The following MGAT4C variants were observed in gnomAD, a reference collection of about 807,000 sequenced individuals.
MGAT4C encodes MGAT4 family member C, also known as alpha-1,3-mannosyl-glycoprotein 4-beta-N-acetylglucosaminyltransferase C.
In MGAT4C, 19 loss-of-function variants were observed where a neutral mutation model predicts 40.1. The observed-to-expected ratio is 0.47, with a 90% CI of 0.33 to 0.70. The LOEUF is 0.70. MGAT4C is among the 30% of genes least tolerant of loss of function. The pLI, the probability that MGAT4C is intolerant of heterozygous loss-of-function variation, is 0.02. For synonymous variants in MGAT4C, 181 were observed against 187.1 expected (o/e 0.97, Z 0.27); for missense variants, 491 against 563.2 (o/e 0.87, Z 1.30).
chr12:86,289,399 T>C (rs1487213639), intron 4 of MGAT4C, among the ~76,000 whole-genome samples: 4 of 152,208 alleles, frequency 2.6e-5, no homozygotes, highest in Admixed American at 2.0e-4. Flanking sequence ...GGCTCTTTTT[T>C]AGTTCCATAT....
At chr12:86,108,882 G>A (rs904133948) in intron 1 of MGAT4C, among the ~76,000 whole-genome samples, 2 of 151,918 alleles carry the variant, frequency 1.3e-5, no homozygotes, top group Non-Finnish European at 2.9e-5. Context: ...GTCTGTCTTC[G>A]GTCTTCACCG....
At chr12:86,114,466 T>C (rs969209877) in intron 1 of MGAT4C, among the ~76,000 whole-genome samples, 2 of 151,892 alleles carry the variant, frequency 1.3e-5, no homozygotes, top group African/African-American at 4.8e-5. Context: ...AAATTGTAGT[T>C]ACAATGAACA....
chr12:86,153,662 C>A (rs1223699675), intron 1 of MGAT4C, among the ~76,000 whole-genome samples: 1 of 152,174 alleles, frequency 6.6e-6, no homozygotes, highest in East Asian at 1.9e-4. Context: ...TGAGTGAATT[C>A]TCATGAGATC....
At chr12:86,685,295 C>G (rs1283627767) in intron 2 of MGAT4C, among the ~76,000 whole-genome samples, 1 of 152,138 alleles carries the variant, frequency 6.6e-6, no homozygotes, top group African/African-American at 2.4e-5. Flanking sequence ...AATAGGGAAT[C>G]CTTTCCCCAT....
At chr12:86,608,033 T>C (rs538652006) in intron 2 of MGAT4C, among the ~76,000 whole-genome samples, 1 of 152,136 alleles carries the variant, frequency 6.6e-6, no homozygotes, top group Non-Finnish European at 1.5e-5. Flanking sequence ...ATGTGCACCC[T>C]ATATTCACTT....
intron 2 of MGAT4C, among the ~76,000 whole-genome samples, chr12:86,032,774 T>C (rs1890880950): frequency 6.7e-6 from 1 of 149,926 alleles, no homozygotes; most frequent in South Asian, 2.1e-4. Flanking sequence ...TTTAATTAGG[T>C]CCCATTTGTC....
chr12:86,035,082 G>C (rs764538835), intron 2 of MGAT4C, among the ~76,000 whole-genome samples: 1 of 149,872 alleles, frequency 6.7e-6, no homozygotes, highest in Non-Finnish European at 1.5e-5. Flanking sequence ...CTAACCCTTT[G>C]GGTACATACC....
chr12:86,615,374 T>C (rs922724968), intron 2 of MGAT4C, among the ~76,000 whole-genome samples: 15 of 152,034 alleles, frequency 9.9e-5, no homozygotes, highest in African/African-American at 3.6e-4. Flanking sequence ...ACAGGTACAT[T>C]AGTGATTTAT....
chr12:86,054,909 C>T (rs1186950604), intron 1 of MGAT4C, among the ~76,000 whole-genome samples: 2 of 151,882 alleles, frequency 1.3e-5, no homozygotes. Flanking sequence ...AATTTTCCTT[C>T]ACTAAAAAAT....
At chr12:86,702,890 G>C (rs1488973270) in intron 2 of MGAT4C, among the ~76,000 whole-genome samples, 1 of 152,260 alleles carries the variant, frequency 6.6e-6, no homozygotes, top group Non-Finnish European at 1.5e-5. Context: ...GATAGATCAA[G>C]GCAAAGTATA....
chr12:86,764,966 A>C (rs964460685), intron 1 of MGAT4C, among the ~76,000 whole-genome samples: 7 of 150,996 alleles, frequency 4.6e-5, no homozygotes, highest in Non-Finnish European at 5.9e-5. Flanking sequence ...CGCCTCTCCT[A>C]CTCCAAAGGA....
intron 2 of MGAT4C, among the ~76,000 whole-genome samples, chr12:86,535,222 T>C (rs1959048780): frequency 6.6e-6 from 1 of 152,144 alleles, no homozygotes; most frequent in Non-Finnish European, 1.5e-5. Context: ...ATAAAATGGA[T>C]GACCTAATTT....
chr12:86,666,643 C>T (rs1351719214), intron 2 of MGAT4C, among the ~76,000 whole-genome samples: 1 of 152,026 alleles, frequency 6.6e-6, no homozygotes, highest in African/African-American at 2.4e-5. Context: ...CCCTTGTTTC[C>T]CCACAAATGT....
rs920175980 is a variant in MGAT4C, at chr12:85,963,064, C to T, written c.*16225G>A. 3.9e-5 allele frequency: 6 copies of T among 151,946 alleles called. No homozygotes were observed. In the East Asian group the frequency reaches 1.2e-3, roughly 29 times the overall value. The allele number at this position is 151,946 out of a possible 1,614,324, so 9.4% of individuals were successfully genotyped here. A position where few individuals can be genotyped will look rare whatever the true frequency, so the allele number is the denominator to read the frequency against. On this transcript the variant is annotated 3_prime_UTR_variant, in exon 5 of 5. Coordinates refer to ENST00000611864, the MANE Select transcript of MGAT4C (RefSeq NM_001351288.2). ...ATAAATTCACTTAAACAACTATTTACATGCAAAAGTAATATTTTTATTGCC... is the reference window on the plus strand; with the variant it reads ...ATAAATTCACTTAAACAACTATTTATATGCAAAAGTAATATTTTTATTGCC...
intron 2 of MGAT4C, among the ~76,000 whole-genome samples, chr12:86,518,200 A>C (rs559229633): frequency 1.3e-5 from 2 of 152,328 alleles, no homozygotes; most frequent in African/African-American, 2.4e-5. Flanking sequence ...CATGAACAAC[A>C]ACAACAAAAA....
intron 2 of MGAT4C, chr12:86,016,567 T>C (rs1023581488): frequency 1.3e-5 from 2 of 152,182 alleles, no homozygotes; most frequent in African/African-American, 4.8e-5. Flanking sequence ...CAGAATTGAG[T>C]GGTAGCAGTC....
chr12:86,728,543 T>C (rs1490741455), intron 1 of MGAT4C, among the ~76,000 whole-genome samples: 1 of 152,010 alleles, frequency 6.6e-6, no homozygotes, highest in African/African-American at 2.4e-5. Flanking sequence ...ATACAAAAAT[T>C]AGCCTGGCAT....
rs1031786488 is a variant in MGAT4C at position 86,093,115 on chromosome 12, T to C, written c.-56-43392A>G. Reference sequence around the variant, plus strand: ...CTTTGTCTCTATTCATACTTTTATCTATCTACCATATAATGTCAGAAAGAA... The same window carrying C: ...CTTTGTCTCTATTCATACTTTTATCCATCTACCATATAATGTCAGAAAGAA... On this transcript the variant is annotated intron_variant, in intron 1 of 4. Transcript: ENST00000611864. Among the ~76,000 whole-genome samples the C allele has an allele frequency of 5.3e-5, 8 of 152,266 alleles. No homozygotes were observed. The South Asian group carries it at 6.2e-4, about 12-fold the overall frequency.
chr12:86,398,074 G>A (rs1343124364), intron 3 of MGAT4C, among the ~76,000 whole-genome samples: 3 of 152,142 alleles, frequency 2.0e-5, no homozygotes, highest in East Asian at 3.9e-4. Flanking sequence ...AACAGTATTC[G>A]GTGTGTATTA....
Sources: allele counts gnomAD v4.1 joint callset (sites outside exome capture counted in the v4.1 genomes callset), GRCh38; gene constraint gnomAD v4.1.1; transcripts MANE v1.5; gene names NCBI Gene and HGNC (gene_info 2026-07-23, HGNC 2026-07-21).